Variants in VGLL3 observed in about 807,000 individuals in gnomAD.
VGLL3 encodes the protein vestigial like family member 3, also known as transcription cofactor vestigial-like protein 3.
In VGLL3, 18 loss-of-function variants were observed where a neutral mutation model predicts 29.2. The observed-to-expected ratio is 0.62, with a 90% confidence interval of 0.43 to 0.91. The LOEUF (loss-of-function observed/expected upper bound fraction) is 0.91. Among genes scored for constraint, VGLL3 ranks in the 40% least tolerant of loss-of-function variants. The pLI is 0.00. For synonymous variants in VGLL3, 180 were observed against 151.8 expected (o/e 1.19, Z -1.36); for missense variants, 440 against 413.2 (o/e 1.06, Z -0.56).
chr3:86,975,738 A>G (rs1236175149), intron 2 of VGLL3, among the ~76,000 whole-genome samples: 1 of 152,196 alleles, frequency 6.6e-6, no homozygotes, highest in Non-Finnish European at 1.5e-5. Context: ...TTGTAGACTT[A>G]GTGGGATAAT....
chr3:86,980,649 C>A (rs906998315), intron 1 of VGLL3, among the ~76,000 whole-genome samples: 10 of 151,968 alleles, frequency 6.6e-5, no homozygotes, highest in African/African-American at 2.4e-4. Context: ...GGGAATCGAA[C>A]TAAATAACCT....
rs1704332171 is a variant in VGLL3 at position 86,938,898 on chromosome 3, G to T, written c.*8126C>A. On this transcript the variant is annotated 3_prime_UTR_variant, in exon 4 of 4. Transcript: ENST00000398399. Reference sequence around the variant, plus strand: ...GGAGACTTAGGACATCGCAAGATGGGTCTAAGTTCCCAAAAAAGGAAGCAA... The same window carrying T: ...GGAGACTTAGGACATCGCAAGATGGTTCTAAGTTCCCAAAAAAGGAAGCAA... 1 of 152,112 alleles carries T rather than the reference G, an allele frequency of 6.6e-6. No individual in the cohort carries two copies. Among genetic ancestry groups the T allele is most frequent in the Non-Finnish European group, 1.5e-5 (1 of 68,044 alleles). 9.4% of individuals were successfully genotyped at this position (152,112 alleles called of 1,614,324 possible). A position where few individuals can be genotyped will look rare whatever the true frequency, so the allele number is the denominator to read the frequency against.
chr3:86,973,093 C>G (rs1486116681), intron 2 of VGLL3, among the ~76,000 whole-genome samples: 1 of 151,306 alleles, frequency 6.6e-6, no homozygotes, highest in Non-Finnish European at 1.5e-5. Flanking sequence ...ACACACATTA[C>G]CTCCAAAAAA....
At chr3:86,964,456 A>C (rs1218376439) in intron 3 of VGLL3, among the ~76,000 whole-genome samples, 1 of 152,216 alleles carries the variant, frequency 6.6e-6, no homozygotes, top group Non-Finnish European at 1.5e-5. Context: ...ACAGTGAAAA[A>C]ATGAACCTAA....
chr3:86,970,889 C>T (rs567071557), intron 2 of VGLL3, among the ~76,000 whole-genome samples: 5 of 152,256 alleles, frequency 3.3e-5, no homozygotes, highest in Admixed American at 6.5e-5. Context: ...GGTTTACTTT[C>T]TTTCACTAAG....
intron 1 of VGLL3, chr3:86,990,239 C>G (rs1162672384): frequency 1.1e-6 from 1 of 928,920 alleles, no homozygotes; most frequent in African/African-American, 1.8e-5. Context: ...ATCAATAAAA[C>G]CCTGAAACAT....
intron 1 of VGLL3, among the ~76,000 whole-genome samples, chr3:86,988,683 AAAGAAG>A (rs1370583035): frequency 7.4e-6 from 1 of 135,316 alleles, no homozygotes; most frequent in African/African-American, 2.8e-5. Context: ...AAAAAAAAAA[AAAGAAG>A]AAGAAGAAGG....
intron 3 of VGLL3, among the ~76,000 whole-genome samples, chr3:86,951,283 T>C (rs1704612525): frequency 3.3e-5 from 5 of 152,210 alleles, no homozygotes; most frequent in Admixed American, 3.3e-4. Flanking sequence ...AGCTTATCAA[T>C]AACCAAATCT....
intron 3 of VGLL3, among the ~76,000 whole-genome samples, chr3:86,954,178 G>T (rs1704670385): frequency 6.6e-6 from 1 of 152,174 alleles, no homozygotes. Context: ...TTGTCAAAAT[G>T]TCTTTAAGCT....
chr3:86,978,709 C>T lies in VGLL3; in HGVS notation c.220G>A (p.Glu74Lys), dbSNP rs760330926. ...TCCATCTCGGCAGGCTGGTCTTTCT[C>T]CTCCTCCTCCTCCTCCTCATCCTCC... ...EEEDEEEEEE[E>K]KDQPAEMEYL... is the part of the protein sequence containing the mutation. The change falls in exon 2 of 4, where the codon GAG becomes AAG. Residue 74 changes from glutamate to lysine, a missense_variant. Transcript: ENST00000398399. 14 of 1,499,344 alleles carry T rather than the reference C, an allele frequency of 9.3e-6. No homozygotes were observed. Among genetic ancestry groups the T allele is most frequent in the Admixed American group, 5.6e-5 (3 of 53,226 alleles). 92.9% of individuals were successfully genotyped at this position (1,499,344 alleles called of 1,614,324 possible). A position where few individuals can be genotyped will look rare whatever the true frequency, so the allele number is the denominator to read the frequency against.
At chr3:86,987,222 T>A (rs565967190) in intron 1 of VGLL3, among the ~76,000 whole-genome samples, 1 of 152,224 alleles carries the variant, frequency 6.6e-6, no homozygotes, top group South Asian at 2.1e-4. Context: ...TTCCAGGGCT[T>A]TTTTCTCTGA....
At chr3:86,951,249 A>C (rs1343047686) in intron 3 of VGLL3, among the ~76,000 whole-genome samples, 1 of 152,320 alleles carries the variant, frequency 6.6e-6, no homozygotes. Context: ...TTGGGCTGCT[A>C]TACCAAAATA....
chr3:86,967,638 C>A (rs929717101), intron 3 of VGLL3, among the ~76,000 whole-genome samples: 4 of 152,156 alleles, frequency 2.6e-5, no homozygotes, highest in Non-Finnish European at 4.4e-5. Context: ...GAAAGAATTT[C>A]TTTAAGCTTT....
chr3:86,988,039 A>G (rs1009389815), intron 1 of VGLL3, among the ~76,000 whole-genome samples: 1 of 152,196 alleles, frequency 6.6e-6, no homozygotes, highest in African/African-American at 2.4e-5. Flanking sequence ...TTTAAAATCC[A>G]TCATAAGGAA....
Position 86,945,806 on chromosome 3 carries a change from A to G in VGLL3, c.*1218T>C, listed in dbSNP as rs897260568. 6.6e-6 allele frequency: 1 copy of G among 152,168 alleles called. No individual in the cohort carries two copies. Among genetic ancestry groups the G allele is most frequent in the African/African-American group, 2.4e-5 (1 of 41,448 alleles). The allele number at this position is 152,168 out of a possible 1,614,324, so 9.4% of individuals were successfully genotyped here. A position where few individuals can be genotyped will look rare whatever the true frequency, so the allele number is the denominator to read the frequency against. ...AAATCAAGTAAAGCCAGATTTAAACAAACAAAAAAAGAGACTTGTTAAGTT... is the reference window on the plus strand; with the variant it reads ...AAATCAAGTAAAGCCAGATTTAAACGAACAAAAAAAGAGACTTGTTAAGTT... On this transcript the variant is annotated 3_prime_UTR_variant, in exon 4 of 4. Coordinates refer to ENST00000398399, the MANE Select transcript of VGLL3 (RefSeq NM_016206.4).
In VGLL3 at chr3:86,940,846, A is replaced by G. The variant is rs746716666; in HGVS notation, c.*6178T>C. On this transcript the variant is annotated 3_prime_UTR_variant, in exon 4 of 4. Coordinates refer to ENST00000398399, the MANE Select transcript of VGLL3 (RefSeq NM_016206.4). ...TATAAAGCCAAAAGTTTTATGAATT[A>G]TACTTTTTTTATTAGTTAAAAATGA... The G allele has an allele frequency of 2.4e-4, 36 of 152,324 alleles. No individual in the cohort carries two copies. Among genetic ancestry groups the G allele is most frequent in the Non-Finnish European group, 4.9e-4 (33 of 67,902 alleles). The allele number at this position is 152,324 out of a possible 1,614,324, so 9.4% of individuals were successfully genotyped here.
In VGLL3 at chr3:86,941,341, G is replaced by T. The variant is rs553280284; in HGVS notation, c.*5683C>A. The T allele has an allele frequency of 6.6e-6, 1 of 152,330 alleles. No homozygotes were observed. Among genetic ancestry groups the T allele is most frequent in the African/African-American group, 2.4e-5 (1 of 41,484 alleles). The allele number at this position is 152,330 out of a possible 1,614,324, so 9.4% of individuals were successfully genotyped here. The stretch of plus-strand genomic sequence containing the variant: ...ATGTACATCTCTATTAATATAAAGT[G>T]ATATCAATAGGAAAGTTCACATCTT... On this transcript the variant is annotated 3_prime_UTR_variant, in exon 4 of 4. Coordinates refer to ENST00000398399, the MANE Select transcript of VGLL3 (RefSeq NM_016206.4).
In VGLL3 at chr3:86,938,228, T is replaced by G. The variant is rs1704317692; in HGVS notation, c.*8796A>C. On this transcript the variant is annotated 3_prime_UTR_variant, in exon 4 of 4. Coordinates refer to ENST00000398399, the MANE Select transcript of VGLL3 (RefSeq NM_016206.4). ...ATATAGGTAAACATTGTGTAATCAT[T>G]ATCACAATCAAATTAATTAATACAA... The G allele has an allele frequency of 6.6e-6, 1 of 152,208 alleles. No homozygotes were observed. Among genetic ancestry groups the G allele is most frequent in the African/African-American group, 2.4e-5 (1 of 41,452 alleles). 9.4% of individuals were successfully genotyped at this position (152,208 alleles called of 1,614,324 possible). A position where few individuals can be genotyped will look rare whatever the true frequency, so the allele number is the denominator to read the frequency against.
At chr3:86,979,673 A>C (rs1705283082) in intron 1 of VGLL3, among the ~76,000 whole-genome samples, 1 of 152,204 alleles carries the variant, frequency 6.6e-6, no homozygotes, top group African/African-American at 2.4e-5. Context: ...AAAGATTAAA[A>C]AGCTAAAGCA....
Sources: gnomAD v4.1 joint callset for allele counts (sites outside exome capture counted in the v4.1 genomes callset) on GRCh38, gnomAD v4.1.1 for gene constraint, MANE v1.5 for transcripts, NCBI Gene and HGNC (gene_info 2026-07-23, HGNC 2026-07-21) for gene names.